Variants in RBPJ observed in about 807,000 individuals in gnomAD.
RBPJ encodes recombination signal binding protein for immunoglobulin kappa J region.
RBPJ carries 9 observed loss-of-function variants against 67.8 expected under a neutral mutation model. The ratio of observed to expected loss-of-function variants is 0.13; its 90% CI spans 0.08 to 0.23. The LOEUF is 0.23. Ranked by LOEUF, RBPJ falls within the 10% of genes least tolerant of loss-of-function variation. The pLI is 1.00. For missense variants in RBPJ, 305 were observed against 595.6 expected, an observed-to-expected ratio of 0.51 and a Z score of 5.08; for synonymous variants, 198 against 203.3, an observed-to-expected ratio of 0.97 and a Z score of 0.22.
intron 4 of RBPJ, among the ~76,000 whole-genome samples, chr4:26,419,930 G>A (rs534212073): frequency 1.3e-5 from 2 of 151,980 alleles, no homozygotes; most frequent in African/African-American, 4.8e-5. Flanking sequence ...CATATGAATC[G>A]TCCTTTTGGG....
At chr4:26,320,990 T>C, upstream of RBPJ, 1 of 1,612,944 alleles carries the variant, frequency 6.2e-7, no homozygotes, top group Admixed American at 1.7e-5. Flanking sequence ...TCGGGGGGAA[T>C]CTCGCGAGGG....
At chr4:26,368,046 A>G (rs2109533328) in intron 1 of RBPJ, 1 of 152,350 alleles carries the variant, frequency 6.6e-6, no homozygotes, top group East Asian at 1.9e-4. Flanking sequence ...AATTTAGTCA[A>G]AGTACATAGT....
intron 1 of RBPJ, among the ~76,000 whole-genome samples, chr4:26,187,662 A>G (rs11727179): frequency 0.12 from 17,556 of 152,228 alleles, 1,110 homozygotes; most frequent in African/African-American, 0.13. Context: ...GAGGAGGTTT[A>G]GAACAATTTC....
chr4:26,387,255 A>G (rs899807408), intron 2 of RBPJ, among the ~76,000 whole-genome samples: 1 of 152,112 alleles, frequency 6.6e-6, no homozygotes, highest in East Asian at 1.9e-4. Flanking sequence ...AACGATGGGG[A>G]CCTACAGAAG....
chr4:26,417,293 T>G (rs1258884238), intron 4 of RBPJ, among the ~76,000 whole-genome samples: 1 of 152,260 alleles, frequency 6.6e-6, no homozygotes, highest in African/African-American at 2.4e-5. Context: ...GTAGTATCAC[T>G]GCTTGCCTTT....
At chr4:26,225,269 G>C (rs1719041015) in intron 1 of RBPJ, among the ~76,000 whole-genome samples, 1 of 152,102 alleles carries the variant, frequency 6.6e-6, no homozygotes, top group Non-Finnish European at 1.5e-5. Context: ...GCAAATATAG[G>C]TTAACCTGTT....
intron 1 of RBPJ, among the ~76,000 whole-genome samples, chr4:26,385,873 A>G (rs1730864794): frequency 6.6e-6 from 1 of 151,220 alleles, no homozygotes; most frequent in South Asian, 2.1e-4. Flanking sequence ...CACGATCATG[A>G]CTCACTGCAC....
chr4:26,183,984 C>T (rs1717121260), intron 1 of RBPJ, among the ~76,000 whole-genome samples: 1 of 151,950 alleles, frequency 6.6e-6, no homozygotes, highest in East Asian at 1.9e-4. Context: ...TGCACTCCAG[C>T]CTGGGCGACA....
intron 1 of RBPJ, among the ~76,000 whole-genome samples, chr4:26,248,808 C>G (rs1387065509): frequency 1.3e-5 from 2 of 152,106 alleles, no homozygotes; most frequent in African/African-American, 4.8e-5. Context: ...ATATTAGAAA[C>G]AGCTGAGGAG....
chr4:26,194,799 C>G (rs1179790398), intron 1 of RBPJ, among the ~76,000 whole-genome samples: 1 of 152,208 alleles, frequency 6.6e-6, no homozygotes, highest in Admixed American at 6.5e-5. Context: ...TAAAATGTCT[C>G]CCTCAGAGAG....
At chr4:26,269,262 A>T (rs569620504) in intron 1 of RBPJ, among the ~76,000 whole-genome samples, 4 of 147,482 alleles carry the variant, frequency 2.7e-5, no homozygotes, top group East Asian at 2.0e-4. Context: ...TTATTTATTT[A>T]TTTATTTTTT....
Position 26,424,418 on chromosome 4 carries a change from T to A in RBPJ, c.573T>A (p.His191Gln), listed in dbSNP as rs772324786. The change falls in exon 6 of 11, where the codon CAT (histidine) becomes CAA (glutamine). Residue 191 changes from histidine to glutamine, a missense_variant. This residue lies in a region of RBPJ where 66 missense variants were observed against 226.0 expected (regional missense o/e 0.29). Coordinates refer to ENST00000355476, the MANE Select transcript of RBPJ (RefSeq NM_015874.6). The surrounding 1 kb of genome is among the most constrained non-coding windows in gnomAD (Gnocchi z 5.3). ...AGACAGTTAGTACCAGATACTTGCA[T>A]GTAGAAGGAGGTAATTTTCATGCCA... ...RSQTVSTRYLHVEGGNFHASS... is the reference protein window; with the variant it reads ...RSQTVSTRYLQVEGGNFHASS... 6.2e-7 allele frequency: 1 copy of A among 1,613,604 alleles called. No individual in the cohort carries two copies. Among genetic ancestry groups the A allele is most frequent in the Non-Finnish European group, 8.5e-7 (1 of 1,179,526 alleles).
chr4:26,181,896 G>A (rs1464697726), intron 1 of RBPJ, among the ~76,000 whole-genome samples: 1 of 152,228 alleles, frequency 6.6e-6, no homozygotes, highest in Admixed American at 6.5e-5. Context: ...GAGTGAATGT[G>A]AAGGCCTAGG....
intron 1 of RBPJ, 98 bp from the exon 2 acceptor site, chr4:26,386,255 A>AT: frequency 1.3e-6 from 1 of 781,614 alleles, no homozygotes; most frequent in East Asian, 2.7e-5. Flanking sequence ...AGATTGAAGT[A>AT]TAAGTCATAA....
At chr4:26,300,256 G>C (rs946461124) in intron 1 of RBPJ, among the ~76,000 whole-genome samples, 2 of 151,864 alleles carry the variant, frequency 1.3e-5, no homozygotes, top group African/African-American at 2.4e-5. Flanking sequence ...CAGGGGTGGG[G>C]GTGGGTGGTC....
chr4:26,365,164 A>C (rs979515370), intron 1 of RBPJ, among the ~76,000 whole-genome samples: 5 of 152,012 alleles, frequency 3.3e-5, no homozygotes, highest in African/African-American at 1.2e-4. Flanking sequence ...TGTCAGATTA[A>C]GTGTTGATGA....
intron 1 of RBPJ, among the ~76,000 whole-genome samples, chr4:26,303,661 A>G (rs758541585): frequency 5.3e-5 from 8 of 151,806 alleles, no homozygotes; most frequent in Non-Finnish European, 1.0e-4. Flanking sequence ...TAAAGCATCT[A>G]GGCTGGGCGT....
At chr4:26,161,445 T>G (rs1716076000), upstream of RBPJ, among the ~76,000 whole-genome samples, 1 of 152,214 alleles carries the variant, frequency 6.6e-6, no homozygotes, top group African/African-American at 2.4e-5. Context: ...CCTGAAAGAC[T>G]AGGGCACTGT....
chr4:26,353,088 C>T (rs1412947765), intron 1 of RBPJ, among the ~76,000 whole-genome samples: 2 of 152,206 alleles, frequency 1.3e-5, no homozygotes, highest in Non-Finnish European at 2.9e-5. Flanking sequence ...CTACTACTTG[C>T]AACAAAGAAA....
Sources: allele counts gnomAD v4.1 joint callset (sites outside exome capture counted in the v4.1 genomes callset), GRCh38; gene constraint gnomAD v4.1.1; regional missense constraint gnomAD v4.1.1; non-coding constraint Gnocchi (gnomAD v3.1); transcripts MANE v1.5; gene names NCBI Gene and HGNC (gene_info 2026-07-23, HGNC 2026-07-21).